Variants in SOX5 observed in about 807,000 individuals in gnomAD.
SOX5 encodes the protein transcription factor SOX-5.
Under a neutral mutation model 92.0 loss-of-function variants are expected in SOX5, and 9 were observed. The ratio of observed to expected loss-of-function variants is 0.10; its 90% CI spans 0.06 to 0.17. SOX5 has a LOEUF of 0.17. Ranked by LOEUF, SOX5 falls within the 10% of genes least tolerant of loss-of-function variation. SOX5 has a pLI of 1.00. For synonymous variants in SOX5, 344 were observed against 336.3 expected, an observed-to-expected ratio of 1.02 and a Z score of -0.25; for missense variants, 642 against 944.5, an observed-to-expected ratio of 0.68 and a Z score of 4.20.
chr12:23,961,003 A>G (rs1946867969), intron 4 of SOX5, among the ~76,000 whole-genome samples: 1 of 152,124 alleles, frequency 6.6e-6, no homozygotes, highest in Non-Finnish European at 1.5e-5. Context: ...TTAAAAGTTA[A>G]ATATACATCT....
At chr12:23,944,897 G>A (rs1024645651) in intron 1 of SOX5, among the ~76,000 whole-genome samples, 5 of 152,090 alleles carry the variant, frequency 3.3e-5, no homozygotes, top group East Asian at 1.9e-4. Context: ...GTTAGTACAA[G>A]AGAAAAACTT....
intron 3 of SOX5, among the ~76,000 whole-genome samples, chr12:23,804,916 TATATATATATATATATATATATA>T (rs2095736408): frequency 3.0e-4 from 1 of 3,304 alleles, no homozygotes; most frequent in African/African-American, 5.0e-4. Context: ...ATCATTGTTT[TATATATATATATATATATATATA>T]TATATATATA....
rs534192503 is a variant in SOX5 at position 23,702,529 on chromosome 12, C to T, written c.810+32155G>A. On this transcript the variant is annotated intron_variant, in intron 6 of 14. Transcript: ENST00000451604. ...TGAAAACAACACTTAAATATTAACT[C>T]CTGCTGATATCAATGGGAATCCTGA... Among the ~76,000 whole-genome samples, 4 of 152,128 alleles carry T rather than the reference C, an allele frequency of 2.6e-5. No individual in the cohort carries two copies. In the South Asian group the frequency reaches 8.3e-4, roughly 32 times the overall value.
intron 4 of SOX5, among the ~76,000 whole-genome samples, chr12:24,095,354 C>T (rs925799399): frequency 1.8e-4 from 27 of 152,104 alleles, no homozygotes; most frequent in African/African-American, 6.5e-4. Context: ...CAAATAGTTG[C>T]TTGATTCCTT....
At chr12:24,227,276 A>C (rs750800232) in intron 3 of SOX5, 2 of 152,226 alleles carry the variant, frequency 1.3e-5, no homozygotes, top group Non-Finnish European at 2.9e-5. Flanking sequence ...TATTCTAACT[A>C]AAGAGACCAG....
intron 1 of SOX5, among the ~76,000 whole-genome samples, chr12:24,455,701 A>G (rs998785238): frequency 2.0e-5 from 3 of 152,204 alleles, no homozygotes; most frequent in Non-Finnish European, 2.9e-5. Context: ...GTATGAGTCA[A>G]TGACCCTGAG....
chr12:24,457,777 T>C (rs1240454196), intron 1 of SOX5, among the ~76,000 whole-genome samples: 1 of 152,138 alleles, frequency 6.6e-6, no homozygotes, highest in African/African-American at 2.4e-5. Context: ...AACAGAACAA[T>C]GTTCTATTTA....
intron 3 of SOX5, among the ~76,000 whole-genome samples, chr12:24,272,825 G>C (rs113957034): frequency 9.9e-5 from 15 of 152,048 alleles, no homozygotes; most frequent in African/African-American, 3.6e-4. Context: ...GAATTGGCCT[G>C]TAAGTCCTTT....
intron 6 of SOX5, among the ~76,000 whole-genome samples, chr12:23,713,708 T>TATATATATATATCTTTTATATATATAA (rs542525766): frequency 3.5e-5 from 5 of 143,456 alleles, no homozygotes; most frequent in Non-Finnish European, 4.5e-5. Context: ...TATATATAAA[T>TATATATATATATCTTTTATATATATAA]ATATATATAT....
At chr12:24,510,867 G>T (rs1949241844) in intron 1 of SOX5, among the ~76,000 whole-genome samples, 1 of 152,188 alleles carries the variant, frequency 6.6e-6, no homozygotes, top group Non-Finnish European at 1.5e-5. Flanking sequence ...AGTACCCACA[G>T]TGAATAGCAG....
At chr12:23,633,392 A>C (rs965543482) in intron 8 of SOX5, among the ~76,000 whole-genome samples, 1 of 152,144 alleles carries the variant, frequency 6.6e-6, no homozygotes, top group Non-Finnish European at 1.5e-5. Flanking sequence ...TTATTCACAT[A>C]GCTGATTTTA....
chr12:24,424,797 A>AG (rs1173631681), intron 1 of SOX5, among the ~76,000 whole-genome samples: 2 of 100,328 alleles, frequency 2.0e-5, no homozygotes, highest in Admixed American at 2.4e-4. Context: ...TTTCTTTGTG[A>AG]GTTTTTTTTT....
Position 24,161,383 on chromosome 12 carries a change from A to G in SOX5, c.-2+51960T>C, listed in dbSNP as rs1215764423. Among the ~76,000 whole-genome samples the G allele has an allele frequency of 2.0e-5, 3 of 152,084 alleles. No homozygotes were observed. In the South Asian group the frequency reaches 6.2e-4, roughly 31 times the overall value. ...ATCAAGCAGAAATGTCACATAGGCC[A>G]TGTTTCACAGATCAGCTTTGAAGTA... On this transcript the variant is annotated intron_variant, in intron 4 of 4. Transcript: ENST00000446891.
At chr12:23,981,492 G>A (rs1004231328) in intron 4 of SOX5, among the ~76,000 whole-genome samples, 19 of 152,148 alleles carry the variant, frequency 1.2e-4, no homozygotes, top group South Asian at 2.1e-4. Context: ...TTTAAGAACT[G>A]CCAGGAATAA....
intron 2 of SOX5, among the ~76,000 whole-genome samples, chr12:24,290,005 G>A (rs1037783081): frequency 1.3e-5 from 2 of 152,116 alleles, no homozygotes; most frequent in Non-Finnish European, 2.9e-5. Flanking sequence ...CGGTACAAAC[G>A]CTAATACCTT....
At chr12:24,037,408 A>G (rs1474179633) in intron 4 of SOX5, among the ~76,000 whole-genome samples, 1 of 152,162 alleles carries the variant, frequency 6.6e-6, no homozygotes, top group Non-Finnish European at 1.5e-5. Flanking sequence ...CATGATTTTA[A>G]TCAATCATTA....
chr12:24,138,735 C>T (rs562805355), intron 4 of SOX5, among the ~76,000 whole-genome samples: 10 of 152,132 alleles, frequency 6.6e-5, no homozygotes, highest in African/African-American at 1.2e-4. Flanking sequence ...TGTACCCAGG[C>T]GAAAGAGCAG....
chr12:23,600,157 T>C lies in SOX5; in HGVS notation c.1164+4230A>G, dbSNP rs150943847. Among the ~76,000 whole-genome samples the C allele has an allele frequency of 9.8e-5, 15 of 152,310 alleles. No homozygotes were observed. In the East Asian group the frequency reaches 2.9e-3, roughly 29 times the overall value. On this transcript the variant is annotated intron_variant, in intron 9 of 14. Coordinates refer to ENST00000451604, the MANE Select transcript of SOX5 (RefSeq NM_006940.6). ...ACCTCAATTAAATAATTTTCTTTAA[T>C]GTGAGAAGGTAGAATTATTTTTATA... is the stretch of plus-strand genomic sequence containing the variant.
At chr12:24,327,342 G>T (rs373906703) in intron 2 of SOX5, among the ~76,000 whole-genome samples, 1 of 145,668 alleles carries the variant, frequency 6.9e-6, no homozygotes, top group Non-Finnish European at 1.5e-5. Context: ...TACAGATGAC[G>T]CAGGTGCACA....
Sources: allele counts gnomAD v4.1 joint callset (sites outside exome capture counted in the v4.1 genomes callset), GRCh38; gene constraint gnomAD v4.1.1; transcripts MANE v1.5; gene names NCBI Gene and HGNC (gene_info 2026-07-23, HGNC 2026-07-21).